PTPRD: variants seen among roughly 807,000 people sequenced by gnomAD.
PTPRD encodes protein tyrosine phosphatase receptor type D.
Under a neutral mutation model 214.5 loss-of-function variants are expected in PTPRD, and 34 were observed. The observed-to-expected ratio is 0.16, with a 90% CI of 0.12 to 0.21. The LOEUF is 0.21. Ranked by LOEUF, PTPRD falls within the 10% of genes least tolerant of loss-of-function variation. PTPRD has a pLI of 1.00. For missense variants in PTPRD, 2,545 were observed against 2,398.7 expected, an observed-to-expected ratio of 1.06 and a Z score of -1.27; for synonymous variants, 1,128 against 845.7, an observed-to-expected ratio of 1.33 and a Z score of -5.79.
chr9:9,294,514 TA>T (rs747641261), intron 9 of PTPRD, among the ~76,000 whole-genome samples: 2 of 151,592 alleles, frequency 1.3e-5, no homozygotes, highest in African/African-American at 2.4e-5. Flanking sequence ...ATAAAGTAAT[TA>T]AGGTTAAATG....
At chr9:8,995,453 T>C (rs2099392952) in intron 11 of PTPRD, among the ~76,000 whole-genome samples, 1 of 152,084 alleles carries the variant, frequency 6.6e-6, no homozygotes, top group African/African-American at 2.4e-5. Context: ...ACTTTCATTA[T>C]TCTCTCTTCT....
chr9:10,354,087 T>C (rs1448641768), intron 2 of PTPRD, among the ~76,000 whole-genome samples: 2 of 152,074 alleles, frequency 1.3e-5, no homozygotes, highest in African/African-American at 4.8e-5. Flanking sequence ...AAATACATTA[T>C]CCTCCTACCC....
At chr9:9,788,555 A>G (rs1370366871) in intron 5 of PTPRD, among the ~76,000 whole-genome samples, 1 of 151,080 alleles carries the variant, frequency 6.6e-6, no homozygotes, top group Non-Finnish European at 1.5e-5. Context: ...CCGTCTCAAA[A>G]AAAAAAAAAA....
chr9:10,347,062 T>G (rs1022138554), intron 2 of PTPRD, among the ~76,000 whole-genome samples: 1 of 152,150 alleles, frequency 6.6e-6, no homozygotes, highest in African/African-American at 2.4e-5. Flanking sequence ...CTGTCCTTAC[T>G]ATAAGGCACA....
chr9:8,432,912 C>T (rs971718734), intron 35 of PTPRD, among the ~76,000 whole-genome samples: 2 of 152,220 alleles, frequency 1.3e-5, no homozygotes, highest in African/African-American at 2.4e-5. Flanking sequence ...CTGTGCATAG[C>T]AGCATTGCCA....
intron 8 of PTPRD, among the ~76,000 whole-genome samples, chr9:9,488,464 T>C (rs1274589165): frequency 6.6e-6 from 1 of 152,172 alleles, no homozygotes. Context: ...GAGAATAGTG[T>C]TTCTGCTCTC....
chr9:8,791,921 C>T (rs1156545607), intron 11 of PTPRD, among the ~76,000 whole-genome samples: 1 of 152,094 alleles, frequency 6.6e-6, no homozygotes, highest in South Asian at 2.1e-4. Flanking sequence ...GACAGCCAGA[C>T]CTTTATCCTT....
chr9:8,664,963 A>G (rs1265435128), intron 12 of PTPRD, among the ~76,000 whole-genome samples: 1 of 152,198 alleles, frequency 6.6e-6, no homozygotes, highest in Non-Finnish European at 1.5e-5. Context: ...CACCAACTAC[A>G]CACAATTGAG....
intron 8 of PTPRD, among the ~76,000 whole-genome samples, chr9:9,464,048 C>G (rs1405950494): frequency 6.6e-6 from 1 of 152,150 alleles, no homozygotes; most frequent in Non-Finnish European, 1.5e-5. Context: ...TACATTTATT[C>G]CCAACTATAT....
intron 8 of PTPRD, among the ~76,000 whole-genome samples, chr9:9,562,771 C>T (rs979297779): frequency 3.3e-5 from 5 of 152,018 alleles, no homozygotes; most frequent in African/African-American, 1.2e-4. Flanking sequence ...TCTACCCACC[C>T]CACATCTCCT....
At chr9:9,656,434 G>A (rs978458568) in intron 7 of PTPRD, among the ~76,000 whole-genome samples, 63 of 152,056 alleles carry the variant, frequency 4.1e-4, no homozygotes, top group African/African-American at 1.4e-3. Context: ...GTGCTAAAAA[G>A]AAATGATCTC....
chr9:10,004,919 T>C (rs936777505), intron 4 of PTPRD, among the ~76,000 whole-genome samples: 1 of 152,090 alleles, frequency 6.6e-6, no homozygotes, highest in Non-Finnish European at 1.5e-5. Context: ...TTTTTCCAAG[T>C]TGGTGTTTTC....
intron 8 of PTPRD, among the ~76,000 whole-genome samples, chr9:9,429,029 C>T (rs1219920613): frequency 3.3e-5 from 5 of 151,946 alleles, no homozygotes; most frequent in Non-Finnish European, 5.9e-5. Context: ...CAAAAGCTAG[C>T]GGAAGTCAAG....
At chr9:10,598,711 G>GGTGTGT (rs34859013) in intron 2 of PTPRD, among the ~76,000 whole-genome samples, 63 of 137,076 alleles carry the variant, frequency 4.6e-4, no homozygotes, top group African/African-American at 1.2e-3. Flanking sequence ...TGTGGTGTGT[G>GGTGTGT]GTGTGTGTGT....
At chr9:8,522,977 T>C (rs934826342) in intron 19 of PTPRD, among the ~76,000 whole-genome samples, 32 of 152,154 alleles carry the variant, frequency 2.1e-4, no homozygotes, top group African/African-American at 7.0e-4. Flanking sequence ...CTCACTGCAA[T>C]GGCCTCATGG....
chr9:9,183,863 AT>A (rs532417584), intron 9 of PTPRD, among the ~76,000 whole-genome samples: 285 of 152,138 alleles, frequency 1.9e-3, no homozygotes, highest in African/African-American at 6.6e-3. Flanking sequence ...ACGAATTAGC[AT>A]GGAAAATTCC....
rs2135979302 is a variant in PTPRD at position 8,486,325 on chromosome 9, A to G, written c.2492T>C (p.Ile831Thr). 1 of 1,614,132 alleles carries G rather than the reference A, an allele frequency of 6.2e-7. No homozygotes were observed. The highest frequency in any genetic ancestry group is 1.3e-5 in the African/African-American group (1 of 75,062). The stretch of plus-strand genomic sequence containing the variant: ...AGCAGTATTCATCTGAGTGTGGTTA[A>G]TCACAAGCCGAGGTTTCCCTGGAAC... ...GAVPGKPRLV[I>T]NHTQMNTALI... The change falls in exon 28 of 46, where the codon ATT (isoleucine) becomes ACT (threonine). Residue 831 changes from isoleucine (I) to threonine (T), a missense_variant. Coordinates refer to ENST00000381196, the MANE Select transcript of PTPRD (RefSeq NM_002839.4).
At chr9:8,414,928 G>GGGGAGAGAGA in intron 35 of PTPRD, among the ~76,000 whole-genome samples, 1 of 70,486 alleles carries the variant, frequency 1.4e-5, no homozygotes, top group Non-Finnish European at 2.7e-5. Context: ...AGAGAGGGAG[G>GGGGAGAGAGA]GGGAGAGAGA....
intron 4 of PTPRD, among the ~76,000 whole-genome samples, chr9:10,020,404 C>T (rs1243055896): frequency 2.7e-5 from 4 of 146,864 alleles, no homozygotes; most frequent in South Asian, 2.3e-4. Context: ...CGGGTTCAAG[C>T]GATTCTCTTG....
Sources: allele counts gnomAD v4.1 joint callset (sites outside exome capture counted in the v4.1 genomes callset), GRCh38; gene constraint gnomAD v4.1.1; transcripts MANE v1.5; gene names NCBI Gene and HGNC (gene_info 2026-07-23, HGNC 2026-07-21).